Variants in IQSEC1 observed in about 807,000 individuals in gnomAD.
The protein encoded by IQSEC1 is IQ motif and SEC7 domain-containing protein 1.
IQSEC1 carries 31 observed loss-of-function variants against 91.0 expected under a neutral mutation model. That is an observed-to-expected ratio of 0.34 (90% confidence interval 0.26 to 0.46). The LOEUF (loss-of-function observed/expected upper bound fraction) is 0.46, where lower values mean the gene tolerates loss of function less well. IQSEC1 is among the 20% of genes least tolerant of loss of function. The pLI is 1.00. For synonymous variants in IQSEC1, 699 were observed against 662.6 expected, an observed-to-expected ratio of 1.05 and a Z score of -0.84; for missense variants, 1,388 against 1,575.6, an observed-to-expected ratio of 0.88 and a Z score of 2.02.
At chr3:13,060,026 G>A (rs1576224866) in intron 1 of IQSEC1, among the ~76,000 whole-genome samples, 1 of 152,354 alleles carries the variant, frequency 6.6e-6, no homozygotes, top group Non-Finnish European at 1.5e-5. Flanking sequence ...TGGCATCCAG[G>A]CAGCGGGAAC....
chr3:13,173,929 T>C (rs976314764), intron 1 of IQSEC1, among the ~76,000 whole-genome samples: 1 of 152,128 alleles, frequency 6.6e-6, no homozygotes, highest in Non-Finnish European at 1.5e-5. Flanking sequence ...TCTGGGGGCT[T>C]CTAAGGCAAG....
intron 2 of IQSEC1, among the ~76,000 whole-genome samples, chr3:13,088,319 C>T (rs992541277): frequency 2.6e-5 from 4 of 152,216 alleles, no homozygotes; most frequent in Non-Finnish European, 5.9e-5. Context: ...ATGCTGACGA[C>T]GCCCTCGCTT....
intron 1 of IQSEC1, among the ~76,000 whole-genome samples, chr3:13,066,090 G>A (rs1020747509): frequency 6.6e-6 from 1 of 152,184 alleles, no homozygotes; most frequent in Admixed American, 6.5e-5. Context: ...TGCAAGATGG[G>A]AGTCTGCGCT....
chr3:13,141,378 C>T (rs370772391), intron 2 of IQSEC1, among the ~76,000 whole-genome samples: 2 of 152,208 alleles, frequency 1.3e-5, no homozygotes, highest in Non-Finnish European at 2.9e-5. Context: ...ATGCAGCAGC[C>T]GCATGCCAGC....
At chr3:13,249,721 G>C (rs776060343) in intron 1 of IQSEC1, among the ~76,000 whole-genome samples, 6 of 152,162 alleles carry the variant, frequency 3.9e-5, no homozygotes, top group African/African-American at 7.2e-5. Context: ...GGGGAGCCGG[G>C]GTCAAGGGGA....
intron 1 of IQSEC1, among the ~76,000 whole-genome samples, chr3:13,050,748 G>T (rs897738967): frequency 2.6e-5 from 4 of 152,182 alleles, no homozygotes; most frequent in Non-Finnish European, 5.9e-5. Context: ...GCTTAAAACA[G>T]TGCCAAGAAC....
intron 2 of IQSEC1, among the ~76,000 whole-genome samples, chr3:13,153,118 T>A (rs1707027926): frequency 7.0e-6 from 1 of 143,200 alleles, no homozygotes; most frequent in South Asian, 2.4e-4. Flanking sequence ...CCCTCTCCTC[T>A]CCCCTCCAGT....
chr3:13,277,528 C>T (rs1695710546), intron 1 of IQSEC1, among the ~76,000 whole-genome samples: 1 of 152,178 alleles, frequency 6.6e-6, no homozygotes, highest in South Asian at 2.1e-4. Context: ...AGACACACTC[C>T]CTCGTCTTTC....
chr3:13,199,765 G>C (rs919143123), intron 1 of IQSEC1, among the ~76,000 whole-genome samples: 1 of 122,366 alleles, frequency 8.2e-6, no homozygotes, highest in African/African-American at 3.2e-5. Context: ...CGGACGTGAG[G>C]ATGCCCTTCC....
rs796552123 is a variant in IQSEC1, at chr3:12,899,294, G to A, written c.*1689C>T. On this transcript the variant is annotated 3_prime_UTR_variant, in exon 14 of 14. Transcript: ENST00000613206. Reference sequence around the variant, plus strand: ...TCACCACGCTGTCCACTGGGAACGCGGCCCCGCGGCCCGCAGAGTCAGGCG... The same window carrying A: ...TCACCACGCTGTCCACTGGGAACGCAGCCCCGCGGCCCGCAGAGTCAGGCG... The A allele has an allele frequency of 1.2e-5, 16 of 1,383,034 alleles. No homozygotes were observed. Among genetic ancestry groups the A allele is most frequent in the Middle Eastern group, 2.1e-4 (1 of 4,702 alleles). The allele number at this position is 1,383,034 out of a possible 1,614,324, so 85.7% of individuals were successfully genotyped here.
intron 1 of IQSEC1, among the ~76,000 whole-genome samples, chr3:12,958,600 A>C (rs756141965): frequency 4.6e-5 from 7 of 152,210 alleles, no homozygotes; most frequent in Admixed American, 1.3e-4. Context: ...TGGGTGCTAG[A>C]GGGAGGTGAG....
chr3:13,002,547 CAAA>C (rs57241537), intron 1 of IQSEC1, among the ~76,000 whole-genome samples: 23 of 107,250 alleles, frequency 2.1e-4, no homozygotes, highest in Non-Finnish European at 2.3e-4. Flanking sequence ...ACCTGATCTC[CAAA>C]AAAAAAAAAA....
intron 1 of IQSEC1, among the ~76,000 whole-genome samples, chr3:13,275,859 G>A (rs1403030476): frequency 2.0e-5 from 3 of 152,158 alleles, no homozygotes; most frequent in Non-Finnish European, 2.9e-5. Context: ...TGCAGGGCCC[G>A]GCTCCTGGGC....
chr3:12,967,642 T>C lies in IQSEC1; in HGVS notation c.24-25777A>G, dbSNP rs1300377425. ...CGGCTCCCGCGGCTCCGGCCCCAAGTCCGAGCCCCAGGCCAGCCAAGCCCG... is the reference window on the plus strand; with the variant it reads ...CGGCTCCCGCGGCTCCGGCCCCAAGCCCGAGCCCCAGGCCAGCCAAGCCCG... On this transcript the variant is annotated intron_variant, in intron 1 of 13. Coordinates refer to ENST00000613206, the MANE Select transcript of IQSEC1 (RefSeq NM_001134382.3). This position sits in a 1 kb window ranked among gnomAD's most constrained non-coding sequence, Gnocchi z 5.9. 4.9e-6 allele frequency: 6 copies of C among 1,214,924 alleles called. No homozygotes were observed. Among genetic ancestry groups the C allele is most frequent in the Non-Finnish European group, 6.1e-6 (6 of 978,034 alleles). The allele number at this position is 1,214,924 out of a possible 1,614,324, so 75.3% of individuals were successfully genotyped here. A position where few individuals can be genotyped will look rare whatever the true frequency, so the allele number is the denominator to read the frequency against.
chr3:13,131,205 G>T lies in IQSEC1; in HGVS notation c.302+32899C>A, dbSNP rs538122769. Among the ~76,000 whole-genome samples, 6 of 152,184 alleles carry T rather than the reference G, an allele frequency of 3.9e-5. No homozygotes were observed. The East Asian group carries it at 1.2e-3, about 29-fold the overall frequency. Reference sequence around the variant, plus strand: ...TTTTATTTTTATAAATTGACCCCTTGATTATGGAGTGACCTTCTTTATTCC... The same window carrying T: ...TTTTATTTTTATAAATTGACCCCTTTATTATGGAGTGACCTTCTTTATTCC... On this transcript the variant is annotated intron_variant, in intron 2 of 15. Coordinates refer to the IQSEC1 transcript ENST00000648114.
At chr3:12,950,548 T>G (rs940334979) in intron 1 of IQSEC1, among the ~76,000 whole-genome samples, 2 of 152,128 alleles carry the variant, frequency 1.3e-5, no homozygotes, top group African/African-American at 4.8e-5. Context: ...GGCAAGTGTC[T>G]GTAGTCCCGG....
At chr3:13,254,649 A>G (rs1449012429) in intron 1 of IQSEC1, among the ~76,000 whole-genome samples, 1 of 152,190 alleles carries the variant, frequency 6.6e-6, no homozygotes, top group Non-Finnish European at 1.5e-5. Context: ...AAACACTTTC[A>G]ACGACACAGC....
intron 2 of IQSEC1, among the ~76,000 whole-genome samples, chr3:13,106,014 C>G (rs1706145693): frequency 6.6e-6 from 1 of 152,234 alleles, no homozygotes; most frequent in Non-Finnish European, 1.5e-5. Flanking sequence ...CTGGTTCCTT[C>G]CTGGTTAGAG....
At position 12,941,713 on chromosome 3, in the gene IQSEC1, G is replaced by A. The variant is rs758094163; in HGVS notation, c.176C>T (p.Pro59Leu). The change falls in exon 2 of 14, where the codon CCG (proline) becomes CTG (leucine). Residue 59 changes from proline (P) to leucine (L), a missense_variant. Pro to Leu is a moderately conservative substitution (Grantham distance 98). Transcript: ENST00000613206. ...VGAYGLYSGP[P>L]GQQQRTRRPK... ...CCTCCGCGTGCGCTGCTGTTGCCCCGGCGGCCCCGAGTACAGCCCATAGGC... is the reference window on the plus strand; with the variant it reads ...CCTCCGCGTGCGCTGCTGTTGCCCCAGCGGCCCCGAGTACAGCCCATAGGC... 7.4e-6 allele frequency: 12 copies of A among 1,612,466 alleles called. No homozygotes were observed. The highest frequency in any genetic ancestry group is 2.7e-5 in the African/African-American group (2 of 74,914).
Sources: allele counts gnomAD v4.1 joint callset (sites outside exome capture counted in the v4.1 genomes callset), GRCh38; gene constraint gnomAD v4.1.1; non-coding constraint Gnocchi (gnomAD v3.1); transcripts MANE v1.5; gene names NCBI Gene and HGNC (gene_info 2026-07-23, HGNC 2026-07-21).